Variants in GRIK2 observed in about 807,000 individuals in gnomAD.
The protein encoded by GRIK2 is glutamate ionotropic receptor kainate type subunit 2, also known as glutamate receptor ionotropic, kainate 2.
A neutral mutation model predicts 100.3 loss-of-function variants in GRIK2; 32 were observed. That is an observed-to-expected ratio of 0.32 (90% CI 0.24 to 0.43). The LOEUF (loss-of-function observed/expected upper bound fraction) is 0.43. GRIK2 is among the 20% of genes least tolerant of loss of function. The pLI is 1.00. For missense variants in GRIK2, 843 were observed against 1,114.9 expected, an observed-to-expected ratio of 0.76 and a Z score of 3.47; for synonymous variants, 417 against 389.4, an observed-to-expected ratio of 1.07 and a Z score of -0.83.
intron 4 of GRIK2, among the ~76,000 whole-genome samples, chr6:101,656,272 C>A (rs1241991979): frequency 6.9e-6 from 1 of 144,194 alleles, no homozygotes; most frequent in Non-Finnish European, 1.5e-5. Flanking sequence ...CATTGTACTC[C>A]AGCCTGGGTA....
chr6:101,622,167 G>A (rs1374794326), intron 3 of GRIK2, 51 bp downstream of exon 3: 5 of 1,086,878 alleles, frequency 4.6e-6, no homozygotes, highest in Non-Finnish European at 6.8e-6. Flanking sequence ...AAATTTCTAG[G>A]TATTCTTAAG....
chr6:101,551,900 A>G (rs2128292694), intron 2 of GRIK2, among the ~76,000 whole-genome samples: 1 of 152,326 alleles, frequency 6.6e-6, no homozygotes, highest in East Asian at 1.9e-4. Flanking sequence ...ATATGGTGGC[A>G]ATAATTATGA....
intron 14 of GRIK2, among the ~76,000 whole-genome samples, chr6:102,034,227 T>C (rs1487355677): frequency 6.6e-6 from 1 of 151,392 alleles, no homozygotes; most frequent in Non-Finnish European, 1.5e-5. Context: ...AATCATAAGG[T>C]ACTTATTTCC....
At chr6:101,476,197 T>G (rs1772218785) in intron 2 of GRIK2, among the ~76,000 whole-genome samples, 2 of 152,232 alleles carry the variant, frequency 1.3e-5, no homozygotes, top group South Asian at 4.1e-4. Flanking sequence ...CTACTGTGTG[T>G]TCTCTAGTAC....
chr6:101,867,376 A>AAC (rs1785115974), intron 11 of GRIK2, among the ~76,000 whole-genome samples: 2 of 22,402 alleles, frequency 8.9e-5, no homozygotes, highest in African/African-American at 5.0e-4. Flanking sequence ...TAAAAGGGCT[A>AAC]ATATATTTTT....
At chr6:101,938,332 T>C (rs565199576) in intron 14 of GRIK2, among the ~76,000 whole-genome samples, 2 of 152,238 alleles carry the variant, frequency 1.3e-5, no homozygotes, top group East Asian at 3.9e-4. Flanking sequence ...GCACAGTTTA[T>C]AAATCATCTC....
chr6:101,819,752 A>G (rs988099117), intron 10 of GRIK2, among the ~76,000 whole-genome samples: 1 of 151,942 alleles, frequency 6.6e-6, no homozygotes, highest in South Asian at 2.1e-4. Context: ...CCACGTAACT[A>G]TTTCTTCTGC....
intron 2 of GRIK2, among the ~76,000 whole-genome samples, chr6:101,486,018 T>C (rs1772806566): frequency 6.6e-6 from 1 of 152,072 alleles, no homozygotes; most frequent in Admixed American, 6.6e-5. Context: ...TTATGCTGTT[T>C]TATAATTACA....
At chr6:101,405,007 G>C (rs189923412) in intron 2 of GRIK2, among the ~76,000 whole-genome samples, 1 of 152,116 alleles carries the variant, frequency 6.6e-6, no homozygotes, top group East Asian at 1.9e-4. Context: ...AAGTCACAGC[G>C]GTCATGGGGC....
At chr6:101,717,891 TATTAA>T (rs1774180494) in intron 7 of GRIK2, among the ~76,000 whole-genome samples, 1 of 151,784 alleles carries the variant, frequency 6.6e-6, no homozygotes, top group African/African-American at 2.4e-5. Flanking sequence ...CTTTAGTCTT[TATTAA>T]ATTATACTAC....
At position 101,541,195 on chromosome 6, in the gene GRIK2, G is replaced by A. The variant is rs142881783; in HGVS notation, c.116-80754G>A. ...AAGTCATAACACTTCTGTGGCCAAA[G>A]CAGTGAATTAGAAAGGAAGTTGGTA... On this transcript the variant is annotated intron_variant, in intron 2 of 16. Coordinates refer to ENST00000369134, the MANE Select transcript of GRIK2 (RefSeq NM_021956.5). Among the ~76,000 whole-genome samples the A allele has an allele frequency of 5.6e-4, 85 of 152,076 alleles. No individual in the cohort carries two copies. In the East Asian group the frequency reaches 9.3e-3, roughly 17 times the overall value.
intron 16 of GRIK2, chr6:102,064,099 T>G (rs943467557): frequency 2.5e-6 from 2 of 796,358 alleles, no homozygotes; most frequent in African/African-American, 3.6e-5. Context: ...GTTATATTAA[T>G]GTGGAGAAAC....
intron 7 of GRIK2, among the ~76,000 whole-genome samples, chr6:101,782,828 G>T (rs1583139100): frequency 2.0e-5 from 3 of 150,766 alleles, no homozygotes; most frequent in African/African-American, 7.3e-5. Context: ...CCAGTGATAT[G>T]GTTTAGCTTT....
At chr6:101,573,410 A>C in intron 2 of GRIK2, among the ~76,000 whole-genome samples, 1 of 152,172 alleles carries the variant, frequency 6.6e-6, no homozygotes, top group East Asian at 1.9e-4. Context: ...AGTCTGAAGA[A>C]ACAAAGCTAA....
intron 15 of GRIK2, among the ~76,000 whole-genome samples, chr6:102,053,701 A>AGATG (rs1291063061): frequency 6.6e-6 from 1 of 152,092 alleles, no homozygotes. Flanking sequence ...TATATCTGTT[A>AGATG]GATGGATGGA....
intron 14 of GRIK2, chr6:101,993,622 A>C (rs1794491705): frequency 6.6e-6 from 1 of 150,748 alleles, no homozygotes; most frequent in Non-Finnish European, 1.5e-5. Flanking sequence ...TATAGCAAAA[A>C]TAATGCCATA....
intron 15 of GRIK2, among the ~76,000 whole-genome samples, chr6:102,054,700 A>G (rs1017816423): frequency 7.4e-4 from 112 of 152,110 alleles, no homozygotes; most frequent in African/African-American, 2.5e-3. Flanking sequence ...CAACGCCCCA[A>G]ATGTTTACAA....
intron 2 of GRIK2, among the ~76,000 whole-genome samples, chr6:101,568,219 G>A (rs1777374091): frequency 6.6e-6 from 1 of 151,718 alleles, no homozygotes; most frequent in African/African-American, 2.4e-5. Flanking sequence ...TCAGCTCTCT[G>A]TACTGTACTA....
intron 11 of GRIK2, among the ~76,000 whole-genome samples, chr6:101,870,526 C>T (rs1785344186): frequency 1.3e-5 from 2 of 151,766 alleles, no homozygotes; most frequent in Non-Finnish European, 2.9e-5. Flanking sequence ...TTCTTGGTAT[C>T]TTTCATAGCA....
Sources: allele counts gnomAD v4.1 joint callset (sites outside exome capture counted in the v4.1 genomes callset), GRCh38; gene constraint gnomAD v4.1.1; transcripts MANE v1.5; gene names NCBI Gene and HGNC (gene_info 2026-07-23, HGNC 2026-07-21).